The following LYPLAL1 variants were observed in gnomAD, a reference collection of about 807,000 sequenced individuals.
LYPLAL1 encodes lysophospholipase like 1, also known as lysophospholipase-like protein 1.
A neutral mutation model predicts 19.7 loss-of-function variants in LYPLAL1; 23 were observed. That is an observed-to-expected ratio of 1.17 (90% CI 0.84 to 1.65). The LOEUF (loss-of-function observed/expected upper bound fraction) is 1.65. LYPLAL1 is among the 40% of genes most tolerant of loss of function. LYPLAL1 has a pLI of 0.00. For synonymous variants in LYPLAL1, 119 were observed against 96.3 expected, an observed-to-expected ratio of 1.24 and a Z score of -1.38; for missense variants, 355 against 279.4, an observed-to-expected ratio of 1.27 and a Z score of -1.93.
chr1:219,244,704 G>C, the LYPLAL1 span, among the ~76,000 whole-genome samples: 6 of 152,032 alleles, frequency 3.9e-5, no homozygotes, highest in Non-Finnish European at 7.4e-5. Flanking sequence ...CCAGCACTTT[G>C]GGAAGCCGAA....
At chr1:219,334,633 T>G in the LYPLAL1 span, among the ~76,000 whole-genome samples, 3 of 151,818 alleles carry the variant, frequency 2.0e-5, no homozygotes, top group Non-Finnish European at 4.4e-5. Context: ...AAGAAATAAT[T>G]GTAAAATTTG....
At chr1:219,320,937 A>G in the LYPLAL1 span, among the ~76,000 whole-genome samples, 2 of 152,192 alleles carry the variant, frequency 1.3e-5, no homozygotes, top group African/African-American at 2.4e-5. Context: ...ATGATTTACA[A>G]TCCTTTGGGT....
At chr1:219,334,277 G>A in the LYPLAL1 span, among the ~76,000 whole-genome samples, 2 of 151,930 alleles carry the variant, frequency 1.3e-5, no homozygotes, top group African/African-American at 4.8e-5. Context: ...AATAATATCT[G>A]ATCAATTTGT....
the LYPLAL1 span, among the ~76,000 whole-genome samples, chr1:219,314,285 A>G: frequency 6.6e-6 from 1 of 152,238 alleles, no homozygotes; most frequent in Non-Finnish European, 1.5e-5. Context: ...TGTGATGAAT[A>G]TACATGTGCA....
At chr1:219,184,841 G>A (rs147348735) in intron 2 of LYPLAL1, among the ~76,000 whole-genome samples, 2,467 of 151,738 alleles carry the variant, frequency 0.016, 18 homozygotes, top group Non-Finnish European at 0.023. Context: ...CTAATACTTT[G>A]GTAAAGAATT....
At chr1:219,340,237 TA>T in the LYPLAL1 span, among the ~76,000 whole-genome samples, 1 of 152,108 alleles carries the variant, frequency 6.6e-6, no homozygotes, top group Non-Finnish European at 1.5e-5. Context: ...TCAGTTTAGT[TA>T]AGTCTGTCTG....
At chr1:219,441,256 C>T in the LYPLAL1 span, among the ~76,000 whole-genome samples, 11 of 152,066 alleles carry the variant, frequency 7.2e-5, no homozygotes, top group Non-Finnish European at 1.6e-4. Flanking sequence ...GATAATCAGA[C>T]ATCTGTATAC....
chr1:219,259,398 GGTATATATACATATATATATATA>G, the LYPLAL1 span, among the ~76,000 whole-genome samples: 1 of 81,616 alleles, frequency 1.2e-5, no homozygotes, highest in East Asian at 3.3e-4. Context: ...AAGAAAACGT[GGTATATATACATATATATATATA>G]TATATATATG....
rs369794619 is a variant in LYPLAL1, at chr1:219,173,905, G to C, written c.15G>C (p.Ser5=). The C allele has an allele frequency of 6.2e-6, 10 of 1,613,130 alleles. No individual in the cohort carries two copies. The African/African-American group carries it at 1.3e-4, about 22-fold the overall frequency. Reference sequence around the variant, plus strand: ...TGGCATCAGCGATGGCGGCTGCGTCGGGGTCGGTTCTGCAGCGCTGTATCG... The same window carrying C: ...TGGCATCAGCGATGGCGGCTGCGTCCGGGTCGGTTCTGCAGCGCTGTATCG... MAAA[S]GSVLQRCIVS... Residue 5 remains serine, a synonymous_variant, in exon 1 of 5, where the codon TCG becomes TCC. Transcript: ENST00000366928.
chr1:219,244,861 C>T, the LYPLAL1 span, among the ~76,000 whole-genome samples: 2 of 145,280 alleles, frequency 1.4e-5, no homozygotes, highest in African/African-American at 2.5e-5. Flanking sequence ...GCAGGAGAAT[C>T]GCTTGAACTC....
chr1:219,422,311 C>T, the LYPLAL1 span, among the ~76,000 whole-genome samples: 1 of 152,166 alleles, frequency 6.6e-6, no homozygotes, highest in African/African-American at 2.4e-5. Flanking sequence ...AGGTTGCAGG[C>T]TGGATTTGGC....
chr1:219,275,775 T>C, the LYPLAL1 span, among the ~76,000 whole-genome samples: 1 of 152,080 alleles, frequency 6.6e-6, no homozygotes, highest in Non-Finnish European at 1.5e-5. Flanking sequence ...ATTTAATATA[T>C]GCTAAAAACA....
the LYPLAL1 span, among the ~76,000 whole-genome samples, chr1:219,432,847 C>T: frequency 2.0e-5 from 3 of 152,164 alleles, no homozygotes; most frequent in Non-Finnish European, 2.9e-5. Flanking sequence ...TTACTTCAGC[C>T]CACTGCATCT....
At chr1:219,251,992 A>C in the LYPLAL1 span, among the ~76,000 whole-genome samples, 1 of 151,700 alleles carries the variant, frequency 6.6e-6, no homozygotes, top group African/African-American at 2.4e-5. Context: ...GAGACCTTTC[A>C]CTTCATGTGT....
intron 3 of LYPLAL1, among the ~76,000 whole-genome samples, chr1:219,205,012 A>C (rs1029684944): frequency 6.6e-6 from 1 of 152,170 alleles, no homozygotes; most frequent in Non-Finnish European, 1.5e-5. Context: ...GATGATCTAA[A>C]TATCCATCAT....
the LYPLAL1 span, among the ~76,000 whole-genome samples, chr1:219,323,463 CATCT>C: frequency 2.0e-5 from 3 of 152,182 alleles, no homozygotes; most frequent in Non-Finnish European, 4.4e-5. Context: ...TATCCCTTCT[CATCT>C]GTCTGTGCCC....
At chr1:219,428,722 C>G in the LYPLAL1 span, among the ~76,000 whole-genome samples, 1 of 152,236 alleles carries the variant, frequency 6.6e-6, no homozygotes, top group African/African-American at 2.4e-5. Flanking sequence ...CATCATCCCC[C>G]TTCCACACAC....
the LYPLAL1 span, among the ~76,000 whole-genome samples, chr1:219,232,335 T>TA: frequency 7.1e-6 from 1 of 141,688 alleles, no homozygotes; most frequent in African/African-American, 2.7e-5. Flanking sequence ...TGCATACTTT[T>TA]TAAAAAAAAT....
At chr1:219,434,042 G>T in the LYPLAL1 span, among the ~76,000 whole-genome samples, 1 of 151,792 alleles carries the variant, frequency 6.6e-6, no homozygotes. Context: ...ATTTTAAAAT[G>T]CAGTAAAAAG....
Sources: gnomAD v4.1 joint callset for allele counts (sites outside exome capture counted in the v4.1 genomes callset) on GRCh38, gnomAD v4.1.1 for gene constraint, MANE v1.5 for transcripts, NCBI Gene and HGNC (gene_info 2026-07-23, HGNC 2026-07-21) for gene names.